The following DAPK1 variants were observed in gnomAD, a reference collection of about 807,000 sequenced individuals.
DAPK1 encodes the protein death-associated protein kinase 1.
In DAPK1, 56 loss-of-function variants were observed where a neutral mutation model predicts 144.9. The ratio of observed to expected loss-of-function variants is 0.39; its 90% CI spans 0.31 to 0.48. The LOEUF (loss-of-function observed/expected upper bound fraction) is 0.48, where lower values mean the gene tolerates loss of function less well. Among genes scored for constraint, DAPK1 ranks in the 20% least tolerant of loss-of-function variants. The probability of loss-of-function intolerance (pLI) is 0.95; values close to 1 mark genes in which losing one functional copy is unlikely to be tolerated. For missense variants in DAPK1, 1,454 were observed against 1,875.4 expected (o/e 0.78, Z 4.15); for synonymous variants, 690 against 749.0 (o/e 0.92, Z 1.29).
chr9:87,669,406 T>C (rs1216013520), intron 19 of DAPK1, among the ~76,000 whole-genome samples: 3 of 152,124 alleles, frequency 2.0e-5, no homozygotes, highest in African/African-American at 7.2e-5. Flanking sequence ...ATCTCTACTA[T>C]GTTAAAATCC....
chr9:87,587,149 G>A, intron 2 of DAPK1, among the ~76,000 whole-genome samples: 1 of 152,192 alleles, frequency 6.6e-6, no homozygotes, highest in East Asian at 1.9e-4. Flanking sequence ...GGCAGATGGG[G>A]CCAGTCTGGA....
chr9:87,631,750 G>T (rs552241266), intron 3 of DAPK1, among the ~76,000 whole-genome samples: 1 of 152,298 alleles, frequency 6.6e-6, no homozygotes, highest in East Asian at 1.9e-4. Flanking sequence ...GAGCATTTGA[G>T]TTCTGGTTCT....
At chr9:87,593,594 C>T (rs1587748424) in intron 2 of DAPK1, among the ~76,000 whole-genome samples, 1 of 152,166 alleles carries the variant, frequency 6.6e-6, no homozygotes, top group Non-Finnish European at 1.5e-5. Flanking sequence ...CTTTCTCTTT[C>T]CCTTTAGCTG....
At chr9:87,637,610 A>G (rs930570950) in intron 3 of DAPK1, among the ~76,000 whole-genome samples, 4 of 152,216 alleles carry the variant, frequency 2.6e-5, no homozygotes, top group Admixed American at 2.0e-4. Flanking sequence ...TTTTCTCGTC[A>G]TTAGAGTTAA....
chr9:87,624,432 C>T (rs186328866), intron 3 of DAPK1, among the ~76,000 whole-genome samples: 1 of 152,326 alleles, frequency 6.6e-6, no homozygotes, highest in East Asian at 1.9e-4. Flanking sequence ...CTCTTAAAAC[C>T]TGGATCTGGA....
At position 87,686,438 on chromosome 9, in the gene DAPK1, T is replaced by C. The variant is rs1383469371; in HGVS notation, c.2225-113T>C. 3.1e-6 allele frequency: 2 copies of C among 646,494 alleles called. No individual in the cohort carries two copies. The highest frequency in any genetic ancestry group is 3.6e-5 in the African/African-American group (2 of 55,780). 40.0% of individuals were successfully genotyped at this position (646,494 alleles called of 1,614,324 possible). A position where few individuals can be genotyped will look rare whatever the true frequency, so the allele number is the denominator to read the frequency against. On this transcript the variant is annotated intron_variant, in intron 20 of 25. Transcript: ENST00000408954. This position sits in a 1 kb window ranked among gnomAD's most constrained non-coding sequence, Gnocchi z 4.2. The stretch of plus-strand genomic sequence containing the variant: ...GACACACTCAGCCTGAAGCCAGAGT[T>C]GGGGTGGGGACAGAGGCGTGCTCCA...
intron 3 of DAPK1, among the ~76,000 whole-genome samples, chr9:87,622,803 C>T (rs1163750067): frequency 1.3e-5 from 2 of 151,882 alleles, no homozygotes; most frequent in Non-Finnish European, 2.9e-5. Flanking sequence ...CCCAGCTACT[C>T]GGGAGGTTGA....
At chr9:87,677,998 C>T (rs1250727419) in intron 19 of DAPK1, among the ~76,000 whole-genome samples, 1 of 152,166 alleles carries the variant, frequency 6.6e-6, no homozygotes, top group East Asian at 1.9e-4. Context: ...ATCTGTCCAG[C>T]TTTTTTGCTG....
chr9:87,623,583 C>T (rs1272609216), intron 3 of DAPK1, among the ~76,000 whole-genome samples: 1 of 152,128 alleles, frequency 6.6e-6, no homozygotes. Context: ...AATAAAATTG[C>T]CTGTTAATTT....
At chr9:87,693,716 A>G (rs1403475238) in intron 21 of DAPK1, among the ~76,000 whole-genome samples, 1 of 152,112 alleles carries the variant, frequency 6.6e-6, no homozygotes, top group African/African-American at 2.4e-5. Flanking sequence ...TTGCTTTCAT[A>G]GGGGAGGGCA....
chr9:87,523,459 A>G (rs1161686897), intron 2 of DAPK1, among the ~76,000 whole-genome samples: 1 of 152,062 alleles, frequency 6.6e-6, no homozygotes, highest in East Asian at 1.9e-4. Context: ...ACAACACCCA[A>G]CTGATTTTTT....
At chr9:87,556,381 C>G in intron 2 of DAPK1, among the ~76,000 whole-genome samples, 1 of 152,332 alleles carries the variant, frequency 6.6e-6, no homozygotes, top group South Asian at 2.1e-4. Flanking sequence ...AGGGTGCCCA[C>G]GTGTGTGTAC....
chr9:87,571,481 A>ACG (rs1827344846), intron 2 of DAPK1, among the ~76,000 whole-genome samples: 1 of 52,240 alleles, frequency 1.9e-5, no homozygotes, highest in African/African-American at 1.1e-4. Flanking sequence ...ACACCAACAC[A>ACG]CACACACACA....
At chr9:87,666,554 A>G (rs1158617267) in intron 18 of DAPK1, among the ~76,000 whole-genome samples, 1 of 151,284 alleles carries the variant, frequency 6.6e-6, no homozygotes, top group African/African-American at 2.4e-5. Flanking sequence ...GCTCACTGCA[A>G]CCTCTGCCTC....
chr9:87,662,234 T>A (rs1830873833), intron 18 of DAPK1, among the ~76,000 whole-genome samples: 1 of 152,240 alleles, frequency 6.6e-6, no homozygotes, highest in African/African-American at 2.4e-5. Context: ...CCATCTAGTG[T>A]AATTTGAAAT....
chr9:87,555,509 T>TA (rs1423505348), intron 2 of DAPK1, among the ~76,000 whole-genome samples: 2 of 151,816 alleles, frequency 1.3e-5, no homozygotes, highest in Admixed American at 6.6e-5. Flanking sequence ...TTTAGTTATT[T>TA]TTTTTTTTTT....
At chr9:87,550,237 T>A (rs1826426103) in intron 2 of DAPK1, among the ~76,000 whole-genome samples, 1 of 152,194 alleles carries the variant, frequency 6.6e-6, no homozygotes, top group African/African-American at 2.4e-5. Flanking sequence ...TCACCATAGG[T>A]TCGTTTAACC....
Position 87,640,449 on chromosome 9 carries a change from A to G in DAPK1, c.781A>G (p.Lys261Glu), listed in dbSNP as rs1409753947. 1 of 1,613,696 alleles carries G rather than the reference A, an allele frequency of 6.2e-7. No homozygotes were observed. Among genetic ancestry groups the G allele is most frequent in the African/African-American group, 1.3e-5 (1 of 74,942 alleles). ...FIRRLLVKDPKKRMTIQDSLQ... is the reference protein window; with the variant it reads ...FIRRLLVKDPEKRMTIQDSLQ... ...AAGAAGACTTCTGGTCAAGGATCCA[A>G]AGTGAGTGTCCACGTTCCTGAAAGG... The change falls in exon 8 of 26, where the codon AAG becomes GAG. Residue 261 changes from lysine to glutamate, a missense_variant and splice_region_variant. Transcript: ENST00000408954.
chr9:87,539,872 G>GT (rs376784334), intron 2 of DAPK1, among the ~76,000 whole-genome samples: 50 of 152,112 alleles, frequency 3.3e-4, no homozygotes, highest in African/African-American at 1.0e-3. Context: ...AGCCCTCTGC[G>GT]TATCAATAAT....
Sources: allele counts gnomAD v4.1 joint callset (sites outside exome capture counted in the v4.1 genomes callset), GRCh38; gene constraint gnomAD v4.1.1; non-coding constraint Gnocchi (gnomAD v3.1); transcripts MANE v1.5; gene names NCBI Gene and HGNC (gene_info 2026-07-23, HGNC 2026-07-21).